Variants in KIAA1217 observed in about 807,000 individuals in gnomAD.
KIAA1217 encodes the protein KIAA1217.
In KIAA1217, 88 loss-of-function variants were observed where a neutral mutation model predicts 163.9. That is an observed-to-expected ratio of 0.54 (90% CI 0.45 to 0.64). KIAA1217 has a LOEUF of 0.64. Among genes scored for constraint, KIAA1217 ranks in the 30% least tolerant of loss-of-function variants. The pLI is 0.00. For synonymous variants in KIAA1217, 903 were observed against 923.1 expected (o/e 0.98, Z 0.39); for missense variants, 2,372 against 2,475.0 (o/e 0.96, Z 0.88).
chr10:24,432,025 T>G (rs1019151176), intron 3 of KIAA1217, among the ~76,000 whole-genome samples: 3 of 152,038 alleles, frequency 2.0e-5, no homozygotes, highest in African/African-American at 7.2e-5. Context: ...ATGGCTATAA[T>G]GATTGTGTTC....
chr10:24,105,748 T>C (rs561373905), intron 2 of KIAA1217, among the ~76,000 whole-genome samples: 31 of 152,190 alleles, frequency 2.0e-4, no homozygotes, highest in Admixed American at 3.9e-4. Flanking sequence ...TAGGATGCAA[T>C]GGTGAAGAAA....
intron 2 of KIAA1217, among the ~76,000 whole-genome samples, chr10:24,129,536 T>C (rs1341026855): frequency 3.9e-5 from 6 of 152,162 alleles, no homozygotes; most frequent in Admixed American, 1.3e-4. Context: ...AATTTTTAAC[T>C]CTAGAACAGT....
chr10:23,876,613 G>C (rs16924004), intron 1 of KIAA1217, among the ~76,000 whole-genome samples: 33,418 of 151,844 alleles, frequency 0.22, 4,026 homozygotes, highest in African/African-American at 0.31. Flanking sequence ...CACTCTTCCA[G>C]AAACATGGGC....
rs1365199850 is a variant in KIAA1217, at chr10:24,547,149, T to A, written c.*825T>A. The A allele has an allele frequency of 2.0e-5, 3 of 151,764 alleles. No individual in the cohort carries two copies. In the South Asian group the frequency reaches 6.3e-4, roughly 32 times the overall value. 9.4% of individuals were successfully genotyped at this position (151,764 alleles called of 1,614,324 possible). A position where few individuals can be genotyped will look rare whatever the true frequency, so the allele number is the denominator to read the frequency against. Reference sequence around the variant, plus strand: ...CCTTCTTTTGTTTTCTGAGACCTGGTAACCCACGCTCTTGCATTGTGGATT... The same window carrying A: ...CCTTCTTTTGTTTTCTGAGACCTGGAAACCCACGCTCTTGCATTGTGGATT... On this transcript the variant is annotated 3_prime_UTR_variant, in exon 21 of 21. Transcript: ENST00000376454.
chr10:24,153,418 C>G (rs975141620), intron 2 of KIAA1217, among the ~76,000 whole-genome samples: 1 of 152,230 alleles, frequency 6.6e-6, no homozygotes, highest in African/African-American at 2.4e-5. Flanking sequence ...TACCATATGT[C>G]TTTCAGAAGG....
At chr10:24,086,676 G>C (rs1052121846) in intron 2 of KIAA1217, among the ~76,000 whole-genome samples, 4 of 152,100 alleles carry the variant, frequency 2.6e-5, no homozygotes, top group Non-Finnish European at 4.4e-5. Flanking sequence ...TTAATGAAGG[G>C]AAGAAGAGAG....
chr10:24,087,591 A>G (rs1457322598), intron 2 of KIAA1217, among the ~76,000 whole-genome samples: 2 of 152,210 alleles, frequency 1.3e-5, no homozygotes, highest in Non-Finnish European at 2.9e-5. Flanking sequence ...TGAATTAGCG[A>G]AAGGCTGTAG....
At chr10:24,288,967 T>A (rs1343976694) in intron 2 of KIAA1217, among the ~76,000 whole-genome samples, 1 of 152,230 alleles carries the variant, frequency 6.6e-6, no homozygotes, top group Non-Finnish European at 1.5e-5. Flanking sequence ...TGCTTCTAGA[T>A]GCCCTGCAAT....
intron 2 of KIAA1217, among the ~76,000 whole-genome samples, chr10:24,275,534 G>A (rs1158532193): frequency 6.6e-5 from 10 of 152,156 alleles, no homozygotes; most frequent in Admixed American, 6.5e-4. Flanking sequence ...AAACATTTGG[G>A]AGTATTAATT....
At position 24,444,214 on chromosome 10, in the gene KIAA1217, G is replaced by A. The variant is rs143732389; in HGVS notation, c.846+5735G>A. Among the ~76,000 whole-genome samples the A allele has an allele frequency of 5.2e-3, 795 of 152,192 alleles. 10 individuals carry two copies. The highest frequency in any genetic ancestry group is 0.018 in the African/African-American group (762 of 41,536). Reference sequence around the variant, plus strand: ...TTTACTAGAGACGGGGTTTCACCACGTTGACCAGGCTGGTCTCGAACTCCT... The same window carrying A: ...TTTACTAGAGACGGGGTTTCACCACATTGACCAGGCTGGTCTCGAACTCCT... On this transcript the variant is annotated intron_variant, in intron 5 of 20. Coordinates refer to ENST00000376454, the MANE Select transcript of KIAA1217 (RefSeq NM_019590.5).
At chr10:23,916,826 G>A (rs543281269) in intron 1 of KIAA1217, among the ~76,000 whole-genome samples, 49 of 152,122 alleles carry the variant, frequency 3.2e-4, no homozygotes, top group Non-Finnish European at 6.5e-4. Flanking sequence ...ACAAAAATTA[G>A]CTGGATGTGG....
intron 3 of KIAA1217, among the ~76,000 whole-genome samples, chr10:24,406,392 A>AACACACACACACACACACACAC (rs34564889): frequency 0.012 from 1,549 of 133,788 alleles, 13 homozygotes; most frequent in Middle Eastern, 0.017. Flanking sequence ...TTCACACACA[A>AACACACACACACACACACACAC]ACACACACAC....
Position 24,521,814 on chromosome 10 carries a change from G to A in KIAA1217, c.2341G>A (p.Ala781Thr). The A allele has an allele frequency of 6.2e-7, 1 of 1,613,536 alleles. No individual in the cohort carries two copies. The highest frequency in any genetic ancestry group is 8.5e-7 in the Non-Finnish European group (1 of 1,179,946). ...TCCAACCTTACAAAACAAGATGCGA[G>A]CCATCCTGCGCATAGAAGTGGAGGC... The part of the protein sequence containing the change: ...EFPTLQNKMR[A>T]ILRIEVEAVR... Residue 781 changes from alanine to threonine, a missense_variant, in exon 12 of 21, where the codon GCC (alanine) becomes ACC (threonine). Physicochemically the swap from Ala to Thr is moderately conservative, Grantham distance 58. Around this residue, in one of 3 missense-constraint regions of KIAA1217, gnomAD observed 1,431 missense variants for 1,470.3 expected, o/e 0.97. Transcript: ENST00000376454.
intron 2 of KIAA1217, among the ~76,000 whole-genome samples, chr10:24,078,210 A>G (rs1261594286): frequency 2.0e-5 from 3 of 152,206 alleles, no homozygotes; most frequent in African/African-American, 7.2e-5. Flanking sequence ...AAAGTACCAT[A>G]GAGGTTAAGA....
intron 1 of KIAA1217, among the ~76,000 whole-genome samples, chr10:23,867,006 C>G (rs1447281693): frequency 7.5e-6 from 1 of 132,522 alleles, no homozygotes; most frequent in Non-Finnish European, 1.6e-5. Context: ...CCCCTCCCCC[C>G]ACCGCACAAC....
intron 9 of KIAA1217, among the ~76,000 whole-genome samples, chr10:24,501,836 T>A (rs12243602): frequency 6.9e-5 from 10 of 144,102 alleles, no homozygotes; most frequent in Non-Finnish European, 1.4e-4. Flanking sequence ...GCAAGCTCCG[T>A]CTCCCGGGTT....
chr10:23,942,782 G>C (rs1399793385), intron 1 of KIAA1217, among the ~76,000 whole-genome samples: 2 of 152,030 alleles, frequency 1.3e-5, no homozygotes, highest in African/African-American at 2.4e-5. Context: ...ATTCAACACA[G>C]TATTGAAAAT....
At chr10:23,912,579 C>G (rs1842481733) in intron 1 of KIAA1217, among the ~76,000 whole-genome samples, 1 of 152,106 alleles carries the variant, frequency 6.6e-6, no homozygotes, top group Admixed American at 6.6e-5. Context: ...TAAGAACACA[C>G]AGTATTTGAT....
At chr10:24,301,221 T>C (rs1373310422) in intron 2 of KIAA1217, among the ~76,000 whole-genome samples, 1 of 152,172 alleles carries the variant, frequency 6.6e-6, no homozygotes, top group East Asian at 1.9e-4. Context: ...TCTTTAGTCT[T>C]GGCATCTTCA....
Sources: gnomAD v4.1 joint callset for allele counts (sites outside exome capture counted in the v4.1 genomes callset) on GRCh38, gnomAD v4.1.1 for gene constraint, gnomAD v4.1.1 regional missense constraint, MANE v1.5 for transcripts, NCBI Gene and HGNC (gene_info 2026-07-23, HGNC 2026-07-21) for gene names.